The following DSCAM variants were observed in gnomAD, a reference collection of about 807,000 sequenced individuals.
The protein encoded by DSCAM is DS cell adhesion molecule.
A neutral mutation model predicts 217.7 loss-of-function variants in DSCAM; 47 were observed. That is an observed-to-expected ratio of 0.22 (90% CI 0.17 to 0.28). The LOEUF (loss-of-function observed/expected upper bound fraction) is 0.28, where lower values mean the gene tolerates loss of function less well. Among genes scored for constraint, DSCAM ranks in the 10% least tolerant of loss-of-function variants. The pLI is 1.00. For missense variants in DSCAM, 2,080 were observed against 2,618.3 expected (o/e 0.79, Z 4.49); for synonymous variants, 1,056 against 1,015.3 (o/e 1.04, Z -0.76).
At chr21:40,645,138 C>T (rs2089930609) in intron 3 of DSCAM, among the ~76,000 whole-genome samples, 1 of 152,200 alleles carries the variant, frequency 6.6e-6, no homozygotes, top group Non-Finnish European at 1.5e-5. Context: ...AACGTACTCT[C>T]TTCTTGCATC....
intron 3 of DSCAM, among the ~76,000 whole-genome samples, chr21:40,502,718 A>T (rs1159461094): frequency 6.6e-6 from 1 of 152,030 alleles, no homozygotes; most frequent in Admixed American, 6.6e-5. Flanking sequence ...AATCCACAAT[A>T]ATTTTCTTAT....
intron 3 of DSCAM, among the ~76,000 whole-genome samples, chr21:40,479,895 T>C (rs188536001): frequency 7.7e-4 from 118 of 152,362 alleles, no homozygotes; most frequent in African/African-American, 2.6e-3. Context: ...CATATGTGTG[T>C]GTACATGCGT....
chr21:40,442,790 G>A (rs1040034878), intron 3 of DSCAM, among the ~76,000 whole-genome samples: 3 of 152,016 alleles, frequency 2.0e-5, no homozygotes, highest in Admixed American at 6.6e-5. Context: ...GATTACAGAC[G>A]TGAGCCACCA....
chr21:40,126,210 G>C (rs895925166), intron 19 of DSCAM, among the ~76,000 whole-genome samples: 1 of 151,354 alleles, frequency 6.6e-6, no homozygotes, highest in African/African-American at 2.4e-5. Flanking sequence ...AGAAATGAAG[G>C]AGGGAAGAAC....
intron 3 of DSCAM, among the ~76,000 whole-genome samples, chr21:40,471,885 C>G (rs1161873091): frequency 6.6e-6 from 1 of 152,094 alleles, no homozygotes; most frequent in South Asian, 2.1e-4. Flanking sequence ...TGTTGGTGTG[C>G]TGCACCCGTT....
chr21:40,406,536 G>A (rs2123787045), intron 3 of DSCAM, among the ~76,000 whole-genome samples: 1 of 152,310 alleles, frequency 6.6e-6, no homozygotes, highest in South Asian at 2.1e-4. Context: ...AGTGAAACAA[G>A]CCAGGCACGG....
intron 3 of DSCAM, among the ~76,000 whole-genome samples, chr21:40,440,084 A>G (rs1242676084): frequency 6.6e-6 from 1 of 152,158 alleles, no homozygotes; most frequent in Non-Finnish European, 1.5e-5. Flanking sequence ...CTTCTGAATG[A>G]GTTGTAGGAA....
chr21:40,311,448 T>C (rs1353273846), intron 9 of DSCAM, among the ~76,000 whole-genome samples: 2 of 152,204 alleles, frequency 1.3e-5, no homozygotes, highest in Admixed American at 1.3e-4. Flanking sequence ...GCTTACAGTT[T>C]AGATGTAATG....
intron 3 of DSCAM, among the ~76,000 whole-genome samples, chr21:40,650,928 GA>G (rs2090005853): frequency 6.6e-6 from 1 of 152,104 alleles, no homozygotes. Flanking sequence ...AAATAAAGAA[GA>G]GGGGAAAGGT....
chr21:40,502,860 A>G (rs1261443012), intron 3 of DSCAM, among the ~76,000 whole-genome samples: 11 of 152,192 alleles, frequency 7.2e-5, no homozygotes, highest in African/African-American at 2.4e-4. Context: ...TCTGCCTAAC[A>G]TATATATTAG....
intron 3 of DSCAM, among the ~76,000 whole-genome samples, chr21:40,585,983 C>T (rs968584824): frequency 3.3e-5 from 5 of 152,122 alleles, no homozygotes; most frequent in South Asian, 2.1e-4. Flanking sequence ...CAGTCTCCTG[C>T]GTAGCTGGGA....
intron 10 of DSCAM, among the ~76,000 whole-genome samples, chr21:40,282,731 C>T (rs2073779550): frequency 6.7e-6 from 1 of 149,486 alleles, no homozygotes; most frequent in Non-Finnish European, 1.5e-5. Flanking sequence ...ATGTCAACAA[C>T]ACATTGTTTT....
intron 21 of DSCAM, among the ~76,000 whole-genome samples, chr21:40,093,243 T>A (rs1305653663): frequency 1.3e-5 from 2 of 152,200 alleles, no homozygotes; most frequent in Non-Finnish European, 2.9e-5. Context: ...AACTTTTTAT[T>A]CTTTGGTGAC....
chr21:40,656,076 C>A (rs1448106204), intron 3 of DSCAM, among the ~76,000 whole-genome samples: 1 of 152,052 alleles, frequency 6.6e-6, no homozygotes, highest in Admixed American at 6.6e-5. Context: ...ATAAAGCACT[C>A]ATCTCATCCA....
At chr21:40,443,868 A>T (rs1267502300) in intron 3 of DSCAM, among the ~76,000 whole-genome samples, 1 of 152,212 alleles carries the variant, frequency 6.6e-6, no homozygotes, top group Non-Finnish European at 1.5e-5. Context: ...TCATATTTGT[A>T]TTCCTATCCA....
chr21:40,377,023 CT>C lies in DSCAM; in HGVS notation c.509-7779del, dbSNP rs557176773. 1.3e-3 allele frequency among the ~76,000 whole-genome samples: 202 copies of C among 152,102 alleles called. 2 individuals carry two copies. Among genetic ancestry groups the C allele is most frequent in the African/African-American group, 4.7e-3 (194 of 41,492 alleles). On this transcript the variant is annotated intron_variant, in intron 3 of 32. Transcript: ENST00000400454. ...ACTCATACTTGGATAGTGTGTGCCC[CT>C]AATCCAATGTGACCGGTGTGTCCTT...
chr21:40,277,869 A>C (rs2073709007), intron 10 of DSCAM, among the ~76,000 whole-genome samples: 1 of 140,706 alleles, frequency 7.1e-6, no homozygotes, highest in Admixed American at 7.1e-5. Context: ...ACTTCGTCTC[A>C]AAAAAAAAAA....
intron 1 of DSCAM, among the ~76,000 whole-genome samples, chr21:40,817,790 T>C (rs1569051373): frequency 1.3e-5 from 2 of 152,216 alleles, no homozygotes; most frequent in South Asian, 2.1e-4. Flanking sequence ...CACTGCGTGG[T>C]TCATCACTTC....
rs117769017 is a variant in DSCAM, at chr21:40,301,813, G to A, written c.2063-5639C>T. On this transcript the variant is annotated intron_variant, in intron 9 of 32. Coordinates refer to ENST00000400454, the MANE Select transcript of DSCAM (RefSeq NM_001389.5). Reference sequence around the variant, plus strand: ...CTTCAGTTTTATAGACTAGGGAAACGGAGCATGGCTAAGTTAATAACGCAG... The same window carrying A: ...CTTCAGTTTTATAGACTAGGGAAACAGAGCATGGCTAAGTTAATAACGCAG... 6.9e-3 allele frequency among the ~76,000 whole-genome samples: 1,046 copies of A among 152,290 alleles called. 3 individuals are homozygous for A. The highest frequency in any genetic ancestry group is 0.014 in the Middle Eastern group (4 of 294).
Sources: allele counts gnomAD v4.1 joint callset (sites outside exome capture counted in the v4.1 genomes callset), GRCh38; gene constraint gnomAD v4.1.1; transcripts MANE v1.5; gene names NCBI Gene and HGNC (gene_info 2026-07-23, HGNC 2026-07-21).